The following NKAIN2 variants were observed in gnomAD, a reference collection of about 807,000 sequenced individuals.
NKAIN2 encodes sodium/potassium transporting ATPase interacting 2.
A neutral mutation model predicts 32.6 loss-of-function variants in NKAIN2; 14 were observed. The observed-to-expected ratio is 0.43, with a 90% confidence interval of 0.28 to 0.67. The LOEUF (loss-of-function observed/expected upper bound fraction) is 0.67, where lower values mean the gene tolerates loss of function less well. NKAIN2 is among the 30% of genes least tolerant of loss of function. The probability of loss-of-function intolerance (pLI) is 0.17; values close to 1 mark genes in which losing one functional copy is unlikely to be tolerated. For missense variants in NKAIN2, 198 were observed against 258.3 expected (o/e 0.77, Z 1.60); for synonymous variants, 80 against 87.2 (o/e 0.92, Z 0.46).
At chr6:123,977,745 T>C (rs1416692194) in intron 1 of NKAIN2, among the ~76,000 whole-genome samples, 1 of 152,196 alleles carries the variant, frequency 6.6e-6, no homozygotes. Flanking sequence ...TAATGGCTTA[T>C]GCAGATATTT....
intron 1 of NKAIN2, among the ~76,000 whole-genome samples, chr6:124,035,999 T>G (rs1450799210): frequency 6.6e-6 from 1 of 152,094 alleles, no homozygotes; most frequent in African/African-American, 2.4e-5. Flanking sequence ...TAAACTCAGT[T>G]TAGAATCATT....
At chr6:124,466,743 A>G (rs981005676) in intron 3 of NKAIN2, among the ~76,000 whole-genome samples, 4 of 58,202 alleles carry the variant, frequency 6.9e-5, no homozygotes, top group African/African-American at 2.1e-4. Flanking sequence ...AGCTCAGAGT[A>G]AAAAAAGAAA....
chr6:124,538,807 G>A (rs182291341), intron 3 of NKAIN2, among the ~76,000 whole-genome samples: 3 of 151,726 alleles, frequency 2.0e-5, no homozygotes, highest in Non-Finnish European at 4.4e-5. Flanking sequence ...TCATTCGCTC[G>A]GTTTAACTAG....
At chr6:124,441,663 C>T (rs548142988) in intron 3 of NKAIN2, among the ~76,000 whole-genome samples, 3 of 152,144 alleles carry the variant, frequency 2.0e-5, no homozygotes, top group African/African-American at 7.2e-5. Context: ...ATTCTATTCC[C>T]CAGCCTTTGA....
At chr6:123,977,564 A>C (rs1345993336) in intron 1 of NKAIN2, among the ~76,000 whole-genome samples, 2 of 152,176 alleles carry the variant, frequency 1.3e-5, no homozygotes, top group Non-Finnish European at 2.9e-5. Context: ...GATATATCTC[A>C]TTTAGGAACA....
intron 4 of NKAIN2, among the ~76,000 whole-genome samples, chr6:124,765,305 C>A (rs1287612324): frequency 6.6e-6 from 1 of 152,162 alleles, no homozygotes; most frequent in Non-Finnish European, 1.5e-5. Flanking sequence ...TCAAATGAGA[C>A]CCTGACCAGG....
At chr6:123,951,811 G>A (rs1346471695) in intron 1 of NKAIN2, among the ~76,000 whole-genome samples, 1 of 151,680 alleles carries the variant, frequency 6.6e-6, no homozygotes, top group African/African-American at 2.4e-5. Context: ...TTTTTAATAT[G>A]TAAGGTTTTA....
chr6:124,307,844 G>T (rs1232834790), intron 2 of NKAIN2, among the ~76,000 whole-genome samples: 2 of 151,806 alleles, frequency 1.3e-5, no homozygotes, highest in Admixed American at 1.3e-4. Context: ...GTTTTATTTG[G>T]AACTAAATAT....
At chr6:123,889,948 G>C (rs1021344691) in intron 1 of NKAIN2, among the ~76,000 whole-genome samples, 6 of 152,060 alleles carry the variant, frequency 3.9e-5, no homozygotes, top group African/African-American at 7.2e-5. Context: ...AAGCCACAAT[G>C]ATGGCAGAAG....
At chr6:123,915,250 G>A (rs1775427254) in intron 1 of NKAIN2, among the ~76,000 whole-genome samples, 2 of 152,044 alleles carry the variant, frequency 1.3e-5, no homozygotes, top group Non-Finnish European at 2.9e-5. Context: ...CATACTGCTG[G>A]CATGTGCTCC....
At chr6:124,585,254 T>C (rs1057238085) in intron 3 of NKAIN2, among the ~76,000 whole-genome samples, 4 of 152,062 alleles carry the variant, frequency 2.6e-5, no homozygotes, top group African/African-American at 7.3e-5. Context: ...ATGCTAAAAA[T>C]TGAAACAATT....
At chr6:124,726,592 C>A (rs1315660368) in intron 4 of NKAIN2, among the ~76,000 whole-genome samples, 2 of 149,802 alleles carry the variant, frequency 1.3e-5, no homozygotes, top group Non-Finnish European at 3.0e-5. Context: ...GTAGATAAAA[C>A]CACAAAGATG....
chr6:124,765,975 C>A (rs1778496784), intron 4 of NKAIN2, among the ~76,000 whole-genome samples: 1 of 152,168 alleles, frequency 6.6e-6, no homozygotes, highest in South Asian at 2.1e-4. Flanking sequence ...ACATCTAAAA[C>A]AAAATTAAAT....
chr6:124,132,685 A>T (rs1786538394), intron 1 of NKAIN2, among the ~76,000 whole-genome samples: 1 of 152,192 alleles, frequency 6.6e-6, no homozygotes, highest in African/African-American at 2.4e-5. Context: ...CTACAACCAA[A>T]GATTCTCACA....
intron 2 of NKAIN2, among the ~76,000 whole-genome samples, chr6:124,333,348 CTT>C (rs986981275): frequency 6.6e-6 from 1 of 152,008 alleles, no homozygotes; most frequent in Non-Finnish European, 1.5e-5. Flanking sequence ...GCCTACCACA[CTT>C]AAAATAGGGA....
intron 1 of NKAIN2, among the ~76,000 whole-genome samples, chr6:124,074,074 T>TGGG (rs1467817961): frequency 6.6e-6 from 1 of 152,122 alleles, no homozygotes; most frequent in Non-Finnish European, 1.5e-5. Context: ...AAAAGGTTCA[T>TGGG]GGGGCAAAGA....
chr6:123,805,164 G>C (rs1020265844), intron 1 of NKAIN2, among the ~76,000 whole-genome samples: 1 of 152,174 alleles, frequency 6.6e-6, no homozygotes, highest in Non-Finnish European at 1.5e-5. Flanking sequence ...TTTGAGGTAG[G>C]AGCTACTTGC....
At position 124,546,997 on chromosome 6, in the gene NKAIN2, G is replaced by A. The variant is rs569317559; in HGVS notation, c.274-111189G>A. Among the ~76,000 whole-genome samples the A allele has an allele frequency of 2.0e-4, 31 of 152,200 alleles. No homozygotes were observed. The South Asian group carries it at 6.4e-3, about 32-fold the overall frequency. Reference sequence around the variant, plus strand: ...CAACCTTTCCTTTCCTAATGGGCAAGTCAGGTAAACTCAGTACACAGAATA... The same window carrying A: ...CAACCTTTCCTTTCCTAATGGGCAAATCAGGTAAACTCAGTACACAGAATA... On this transcript the variant is annotated intron_variant, in intron 3 of 6. Coordinates refer to ENST00000368417, the MANE Select transcript of NKAIN2 (RefSeq NM_001040214.3).
chr6:123,999,092 T>G (rs1468555267), intron 1 of NKAIN2, among the ~76,000 whole-genome samples: 1 of 152,042 alleles, frequency 6.6e-6, no homozygotes, highest in Non-Finnish European at 1.5e-5. Flanking sequence ...TGCATAGAAA[T>G]GAAACTAAAC....
Sources: allele counts gnomAD v4.1 joint callset (sites outside exome capture counted in the v4.1 genomes callset), GRCh38; gene constraint gnomAD v4.1.1; transcripts MANE v1.5; gene names NCBI Gene and HGNC (gene_info 2026-07-23, HGNC 2026-07-21).